MYO16: variants seen among roughly 807,000 people sequenced by gnomAD.
MYO16 encodes the protein myosin XVI, also known as unconventional myosin-XVI.
In MYO16, 94 loss-of-function variants were observed where a neutral mutation model predicts 205.3. The ratio of observed to expected loss-of-function variants is 0.46; its 90% CI spans 0.39 to 0.54. The LOEUF (loss-of-function observed/expected upper bound fraction) is 0.54, where lower values mean the gene tolerates loss of function less well. MYO16 is among the 20% of genes least tolerant of loss of function. The pLI is 0.00. For synonymous variants in MYO16, 988 were observed against 954.0 expected (o/e 1.04, Z -0.66); for missense variants, 2,315 against 2,387.5 (o/e 0.97, Z 0.63).
At chr13:109,146,751 G>T (rs1360515300) in intron 32 of MYO16, among the ~76,000 whole-genome samples, 1 of 151,874 alleles carries the variant, frequency 6.6e-6, no homozygotes, top group East Asian at 1.9e-4. Context: ...GGCCGTGGTT[G>T]CTCCACTACA....
intron 22 of MYO16, among the ~76,000 whole-genome samples, chr13:109,013,610 C>T (rs948785216): frequency 7.9e-5 from 12 of 152,206 alleles, no homozygotes; most frequent in Non-Finnish European, 1.6e-4. Flanking sequence ...TATTTCTCCA[C>T]GTCCTCTCCA....
chr13:108,991,838 T>C (rs376127166), intron 20 of MYO16, among the ~76,000 whole-genome samples: 39 of 152,368 alleles, frequency 2.6e-4, no homozygotes, highest in African/African-American at 7.7e-4. Context: ...GAGAACTATT[T>C]CAGAGAAGCA....
intron 27 of MYO16, among the ~76,000 whole-genome samples, chr13:109,083,235 T>C (rs1005289606): frequency 6.6e-6 from 1 of 151,446 alleles, no homozygotes; most frequent in African/African-American, 2.4e-5. Flanking sequence ...ATACAAAAAT[T>C]AGCTGGACGT....
intron 3 of MYO16, among the ~76,000 whole-genome samples, chr13:108,718,494 T>C (rs1884035624): frequency 2.0e-5 from 3 of 150,644 alleles, no homozygotes; most frequent in Non-Finnish European, 3.0e-5. Flanking sequence ...GCATGTTCCT[T>C]GGAGGATGTG....
At chr13:108,523,323 A>G in the MYO16 span, among the ~76,000 whole-genome samples, 1 of 152,312 alleles carries the variant, frequency 6.6e-6, no homozygotes, top group African/African-American at 2.4e-5. Flanking sequence ...AGCCAATGGA[A>G]ACTGAGTCTG....
chr13:108,654,175 C>T (rs1468171125), intron 1 of MYO16, among the ~76,000 whole-genome samples: 1 of 152,074 alleles, frequency 6.6e-6, no homozygotes, highest in Non-Finnish European at 1.5e-5. Context: ...GCTGTGAATC[C>T]TTCCAGCCAG....
chr13:108,894,096 A>G (rs1880298158), intron 14 of MYO16, among the ~76,000 whole-genome samples: 1 of 152,212 alleles, frequency 6.6e-6, no homozygotes, highest in Non-Finnish European at 1.5e-5. Flanking sequence ...CACATCTTAC[A>G]TGATGGCAGG....
At chr13:108,940,061 G>T (rs1271591588) in intron 16 of MYO16, among the ~76,000 whole-genome samples, 1 of 152,032 alleles carries the variant, frequency 6.6e-6, no homozygotes, top group Non-Finnish European at 1.5e-5. Context: ...CATTACCATG[G>T]TAAAATAATT....
At position 108,797,382 on chromosome 13, in the gene MYO16, T is replaced by C. The variant is rs376665460; in HGVS notation, c.741+3742T>C. Among the ~76,000 whole-genome samples, 47 of 152,326 alleles carry C rather than the reference T, an allele frequency of 3.1e-4. No homozygotes were observed. The South Asian group carries it at 9.5e-3, about 31-fold the overall frequency. On this transcript the variant is annotated intron_variant, in intron 6 of 34. Coordinates refer to ENST00000457511, the MANE Select transcript of MYO16 (RefSeq NM_001198950.3). ...ATACTGGATGAAGTCACTACTTGTA[T>C]GCAGAAGGAAAGAAATTTGGGACCA...
Position 108,957,669 on chromosome 13 carries a change from G to T in MYO16, c.1926-19G>T, listed in dbSNP as rs531869400. 5 of 1,562,214 alleles carry T rather than the reference G, an allele frequency of 3.2e-6. No individual in the cohort carries two copies. In the African/African-American group the frequency reaches 4.1e-5, roughly 13 times the overall value. ...ACCGGAAGCCAGGCGATAACGTTAC[G>T]TGCCTTGTCTCCTAACAGGTATTTG... On this transcript the variant is annotated intron_variant, in intron 16 of 34. Coordinates refer to ENST00000457511, the MANE Select transcript of MYO16 (RefSeq NM_001198950.3).
chr13:108,935,025 C>T (rs1429381196), intron 16 of MYO16, among the ~76,000 whole-genome samples: 2 of 152,100 alleles, frequency 1.3e-5, no homozygotes, highest in Non-Finnish European at 2.9e-5. Context: ...GTTACTCTAG[C>T]CTTAGAGTAT....
chr13:109,072,690 A>AG (rs1887962861), intron 27 of MYO16, among the ~76,000 whole-genome samples: 1 of 152,130 alleles, frequency 6.6e-6, no homozygotes, highest in African/African-American at 2.4e-5. Context: ...TAGACATACC[A>AG]GGGCATTTTG....
chr13:108,505,002 G>A, the MYO16 span, among the ~76,000 whole-genome samples: 1 of 151,976 alleles, frequency 6.6e-6, no homozygotes, highest in South Asian at 2.1e-4. Context: ...TACTTTTAAG[G>A]CTGAATAATA....
rs548497048 is a variant in MYO16, at chr13:108,923,655, G to C, written c.1925+13505G>C. The stretch of plus-strand genomic sequence containing the variant: ...GCCCCAATGCGGCCGGGGTGTTTGG[G>C]TCCGGAGCCCTCAGCCTGCAGACCT... On this transcript the variant is annotated intron_variant, in intron 16 of 34. Coordinates refer to ENST00000457511, the MANE Select transcript of MYO16 (RefSeq NM_001198950.3). Among the ~76,000 whole-genome samples, 37 of 152,316 alleles carry C rather than the reference G, an allele frequency of 2.4e-4. No individual in the cohort carries two copies. The East Asian group carries it at 6.7e-3, about 28-fold the overall frequency.
chr13:108,509,940 T>TACTAACTTTGCTA, the MYO16 span, among the ~76,000 whole-genome samples: 1 of 152,138 alleles, frequency 6.6e-6, no homozygotes, highest in Non-Finnish European at 1.5e-5. Flanking sequence ...GCCCTTTTAT[T>TACTAACTTTGCTA]ACTAACTTTG....
chr13:108,916,215 C>A (rs1332383983), intron 16 of MYO16, among the ~76,000 whole-genome samples: 2 of 152,180 alleles, frequency 1.3e-5, no homozygotes, highest in African/African-American at 2.4e-5. Flanking sequence ...CAGTCATGAT[C>A]AGCACAGTTC....
intron 9 of MYO16, among the ~76,000 whole-genome samples, chr13:108,841,172 A>G (rs1407089202): frequency 6.6e-6 from 1 of 152,222 alleles, no homozygotes; most frequent in Non-Finnish European, 1.5e-5. Flanking sequence ...AAGACAGTGT[A>G]GTGTTGATTT....
intron 9 of MYO16, among the ~76,000 whole-genome samples, chr13:108,836,369 G>A (rs1417067659): frequency 2.0e-5 from 3 of 152,214 alleles, no homozygotes; most frequent in Admixed American, 6.5e-5. Context: ...CCAGGCAGAA[G>A]TTTGCTGCAG....
intron 23 of MYO16, among the ~76,000 whole-genome samples, chr13:109,023,838 G>T (rs1449063045): frequency 7.5e-6 from 1 of 133,322 alleles, no homozygotes; most frequent in Non-Finnish European, 1.5e-5. Context: ...GCATTTATTA[G>T]ATATTTATAT....
Sources: allele counts gnomAD v4.1 joint callset (sites outside exome capture counted in the v4.1 genomes callset), GRCh38; gene constraint gnomAD v4.1.1; transcripts MANE v1.5; gene names NCBI Gene and HGNC (gene_info 2026-07-23, HGNC 2026-07-21).